The following GUCY1A2 variants were observed in gnomAD, a reference collection of about 807,000 sequenced individuals.
GUCY1A2 encodes the protein guanylate cyclase 1 soluble subunit alpha 2.
Under a neutral mutation model 63.5 loss-of-function variants are expected in GUCY1A2, and 27 were observed. The observed-to-expected ratio is 0.43, with a 90% CI of 0.31 to 0.59. The LOEUF (loss-of-function observed/expected upper bound fraction) is 0.59, where lower values mean the gene tolerates loss of function less well. Among genes scored for constraint, GUCY1A2 ranks in the 20% least tolerant of loss-of-function variants. The pLI, the probability that GUCY1A2 is intolerant of heterozygous loss-of-function variation, is 0.11. For synonymous variants in GUCY1A2, 364 were observed against 343.5 expected (o/e 1.06, Z -0.66); for missense variants, 768 against 913.3 (o/e 0.84, Z 2.05).
At chr11:106,777,919 G>C (rs1041015970) in intron 5 of GUCY1A2, among the ~76,000 whole-genome samples, 19 of 152,056 alleles carry the variant, frequency 1.2e-4, no homozygotes, top group Non-Finnish European at 2.6e-4. Context: ...ATAATTGAGA[G>C]TTAACAGCTA....
intron 4 of GUCY1A2, among the ~76,000 whole-genome samples, chr11:106,897,954 T>C (rs1355279671): frequency 6.6e-6 from 1 of 152,232 alleles, no homozygotes; most frequent in Non-Finnish European, 1.5e-5. Flanking sequence ...GCAAAATACA[T>C]ATCTGGTTAT....
At chr11:106,873,335 G>C (rs1565316559) in intron 4 of GUCY1A2, among the ~76,000 whole-genome samples, 1 of 152,096 alleles carries the variant, frequency 6.6e-6, no homozygotes, top group African/African-American at 2.4e-5. Flanking sequence ...GATCCTTGAG[G>C]AATCACCATA....
intron 6 of GUCY1A2, among the ~76,000 whole-genome samples, chr11:106,713,725 C>G (rs905680288): frequency 1.6e-4 from 25 of 151,882 alleles, no homozygotes; most frequent in African/African-American, 6.0e-4. Flanking sequence ...CCAGGATGGT[C>G]TCGATCTCCT....
intron 3 of GUCY1A2, among the ~76,000 whole-genome samples, chr11:106,944,607 A>G (rs953953831): frequency 6.6e-5 from 10 of 152,208 alleles, no homozygotes; most frequent in Non-Finnish European, 5.9e-5. Flanking sequence ...AAGGTTACCT[A>G]TATAACAAAC....
intron 6 of GUCY1A2, among the ~76,000 whole-genome samples, chr11:106,756,680 T>A (rs1863979678): frequency 6.6e-6 from 1 of 152,228 alleles, no homozygotes; most frequent in Admixed American, 6.5e-5. Context: ...TAGCTCCCAC[T>A]CTCTTCTGGC....
chr11:106,772,863 T>C (rs1864282212), intron 6 of GUCY1A2, among the ~76,000 whole-genome samples: 1 of 152,176 alleles, frequency 6.6e-6, no homozygotes. Flanking sequence ...ATATTTGCAG[T>C]GTGCAGCAAA....
chr11:106,905,517 G>T (rs1332855179), intron 4 of GUCY1A2, among the ~76,000 whole-genome samples: 1 of 151,918 alleles, frequency 6.6e-6, no homozygotes, highest in Non-Finnish European at 1.5e-5. Context: ...TTACATGAAG[G>T]GTACGCCTTC....
At chr11:106,908,954 A>C (rs1397228502) in intron 4 of GUCY1A2, among the ~76,000 whole-genome samples, 1 of 152,070 alleles carries the variant, frequency 6.6e-6, no homozygotes, top group Non-Finnish European at 1.5e-5. Context: ...TTGCTGTTGT[A>C]CACAATAATT....
chr11:106,787,596 A>AG (rs1321102996), intron 5 of GUCY1A2, among the ~76,000 whole-genome samples: 124 of 141,906 alleles, frequency 8.7e-4, no homozygotes, highest in East Asian at 1.3e-3. Flanking sequence ...AAGGAAGGGA[A>AG]GGGAAAAAGA....
intron 6 of GUCY1A2, among the ~76,000 whole-genome samples, chr11:106,763,578 A>T (rs533469395): frequency 5.5e-4 from 84 of 152,244 alleles, no homozygotes; most frequent in African/African-American, 1.8e-3. Flanking sequence ...TAAGGCAAAC[A>T]AGTTGAATGG....
intron 4 of GUCY1A2, among the ~76,000 whole-genome samples, chr11:106,847,799 C>A (rs2135448341): frequency 6.6e-6 from 1 of 151,268 alleles, no homozygotes; most frequent in East Asian, 1.9e-4. Context: ...AAAGGACAGA[C>A]CAAAAAATTA....
At chr11:106,937,727 A>G (rs1175848298) in intron 4 of GUCY1A2, among the ~76,000 whole-genome samples, 1 of 152,188 alleles carries the variant, frequency 6.6e-6, no homozygotes, top group Non-Finnish European at 1.5e-5. Flanking sequence ...ACATACATAT[A>G]ATATACATAT....
intron 4 of GUCY1A2, among the ~76,000 whole-genome samples, chr11:106,877,772 A>G (rs1389894780): frequency 6.6e-6 from 1 of 152,164 alleles, no homozygotes; most frequent in East Asian, 1.9e-4. Context: ...AAAAATTGAC[A>G]AATGGGATAT....
intron 1 of GUCY1A2, among the ~76,000 whole-genome samples, chr11:107,016,446 A>C (rs1861824621): frequency 6.6e-6 from 1 of 152,250 alleles, no homozygotes; most frequent in Non-Finnish European, 1.5e-5. Flanking sequence ...TTCCTGCAAG[A>C]GGTAAAAGCC....
intron 2 of GUCY1A2, 72 bp downstream of exon 2, chr11:106,985,998 T>C (rs915349574): frequency 1.3e-5 from 11 of 833,832 alleles, no homozygotes; most frequent in Admixed American, 1.2e-4. Context: ...GAAAATCACA[T>C]ACTCAACAGC....
rs1257994568 is a variant in GUCY1A2 at position 106,683,765 on chromosome 11, A to G, written c.*3784T>C. On this transcript the variant is annotated 3_prime_UTR_variant, in exon 8 of 8. Transcript: ENST00000526355. ...TTTACTTTTTGCCTTAACCATCCAC[A>G]ACACCTGCTCTCAGAAAGTCAGGGA... The G allele has an allele frequency of 4.6e-6, 1 of 219,194 alleles. No individual in the cohort carries two copies. Among genetic ancestry groups the G allele is most frequent in the Non-Finnish European group, 9.2e-6 (1 of 109,188 alleles). The allele number at this position is 219,194 out of a possible 1,614,324, so 13.6% of individuals were successfully genotyped here.
chr11:106,894,196 A>C (rs761534931), intron 4 of GUCY1A2, among the ~76,000 whole-genome samples: 3 of 152,210 alleles, frequency 2.0e-5, no homozygotes, highest in Non-Finnish European at 4.4e-5. Context: ...TAAAGTTATC[A>C]GGGATGAAGA....
At chr11:106,930,377 T>G (rs1197996652) in intron 4 of GUCY1A2, among the ~76,000 whole-genome samples, 1 of 152,170 alleles carries the variant, frequency 6.6e-6, no homozygotes, top group Non-Finnish European at 1.5e-5. Context: ...CAGGCTGGAG[T>G]GCAGTGGTGC....
At chr11:106,901,175 G>A (rs1369230468) in intron 4 of GUCY1A2, among the ~76,000 whole-genome samples, 3 of 152,044 alleles carry the variant, frequency 2.0e-5, no homozygotes, top group Non-Finnish European at 4.4e-5. Context: ...CTTTACCAGG[G>A]GTGGATTCCA....
Sources: allele counts gnomAD v4.1 joint callset (sites outside exome capture counted in the v4.1 genomes callset), GRCh38; gene constraint gnomAD v4.1.1; transcripts MANE v1.5; gene names NCBI Gene and HGNC (gene_info 2026-07-23, HGNC 2026-07-21).